The following SYNE3 variants were observed in gnomAD, a reference collection of about 807,000 sequenced individuals.
The protein encoded by SYNE3 is spectrin repeat containing nuclear envelope family member 3, also known as nesprin-3.
Under a neutral mutation model 111.2 loss-of-function variants are expected in SYNE3, and 100 were observed. The observed-to-expected ratio is 0.90, with a 90% CI of 0.77 to 1.06. The LOEUF is 1.06. Ranked by LOEUF, SYNE3 falls within the 50% of genes least tolerant of loss-of-function variation. SYNE3 has a pLI of 0.00. For missense variants in SYNE3, 1,160 were observed against 1,240.3 expected, an observed-to-expected ratio of 0.94 and a Z score of 0.97; for synonymous variants, 547 against 533.9, an observed-to-expected ratio of 1.02 and a Z score of -0.34.
intron 14 of SYNE3, 48 bp downstream of exon 14, chr14:95,438,985 G>T: frequency 6.2e-7 from 1 of 1,608,892 alleles, no homozygotes; most frequent in South Asian, 1.1e-5. Context: ...CCCACCTCTT[G>T]ACCTGGGGCC....
At chr14:95,418,916 C>T (rs1884915601) in intron 17 of SYNE3, among the ~76,000 whole-genome samples, 1 of 151,840 alleles carries the variant, frequency 6.6e-6, no homozygotes, top group African/African-American at 2.4e-5. Context: ...TCTTCTTTTC[C>T]TCCCTCTTTC....
At chr14:95,425,148 G>A (rs531440364) in intron 17 of SYNE3, among the ~76,000 whole-genome samples, 26 of 152,100 alleles carry the variant, frequency 1.7e-4, no homozygotes, top group Middle Eastern at 3.4e-3. Flanking sequence ...CAGGGGGCTG[G>A]GGCAGGAGAA....
chr14:95,462,093 G>A (rs1412410195), intron 4 of SYNE3, among the ~76,000 whole-genome samples: 1 of 152,180 alleles, frequency 6.6e-6, no homozygotes, highest in African/African-American at 2.4e-5. Context: ...GGCACCCTCT[G>A]GATCCACGAA....
intron 1 of SYNE3, among the ~76,000 whole-genome samples, chr14:95,489,694 C>G (rs4900274): frequency 0.18 from 27,325 of 152,174 alleles, 2,759 homozygotes; most frequent in East Asian, 0.41. Context: ...CCCAAGATTT[C>G]TGCCTCAGCC....
At chr14:95,442,936 G>GT (rs1304609479) in intron 11 of SYNE3, among the ~76,000 whole-genome samples, 2 of 152,238 alleles carry the variant, frequency 1.3e-5, no homozygotes. Context: ...GTCATGCTCT[G>GT]CTACCTCCAT....
intron 1 of SYNE3, among the ~76,000 whole-genome samples, chr14:95,507,071 C>A (rs1398269603): frequency 6.6e-6 from 1 of 152,242 alleles, no homozygotes; most frequent in African/African-American, 2.4e-5. Context: ...AGGAGCGCGG[C>A]ACCTGCACCC....
At chr14:95,503,079 T>C (rs1890396415) in intron 1 of SYNE3, among the ~76,000 whole-genome samples, 1 of 152,224 alleles carries the variant, frequency 6.6e-6, no homozygotes, top group Admixed American at 6.5e-5. Flanking sequence ...AATGATTAAA[T>C]TAATCCCATT....
chr14:95,488,562 T>C (rs1034771980), intron 1 of SYNE3, among the ~76,000 whole-genome samples: 13 of 151,524 alleles, frequency 8.6e-5, no homozygotes, highest in African/African-American at 2.9e-4. Flanking sequence ...GCGTGGTGGC[T>C]CACACCTGTG....
chr14:95,452,276 A>ACTAT lies in SYNE3; in HGVS notation c.1241_1244dup (p.Ser415ArgfsTer2). 6.2e-7 allele frequency: 1 copy of ACTAT among 1,613,332 alleles called. No homozygotes were observed. Among genetic ancestry groups the ACTAT allele is most frequent in the Non-Finnish European group, 8.5e-7 (1 of 1,179,558 alleles). ...GATACTCCTGGATGGTAGCGATGAC[A>ACTAT]CTATCAGAGAGTGGCTTCAGGTTGT... On this transcript the variant is annotated stop_gained and frameshift_variant, in exon 7 of 18. Coordinates refer to ENST00000682763, the MANE Select transcript of SYNE3 (RefSeq NM_152592.6). LOFTEE classifies it high-confidence loss of function.
rs1345341560 is a variant in SYNE3, at chr14:95,431,849, A to T, written c.2727+230T>A. Among the ~76,000 whole-genome samples, 5 of 152,330 alleles carry T rather than the reference A, an allele frequency of 3.3e-5. No homozygotes were observed. The East Asian group carries it at 9.7e-4, about 29-fold the overall frequency. On this transcript the variant is annotated intron_variant, in intron 17 of 17. Coordinates refer to ENST00000682763, the MANE Select transcript of SYNE3 (RefSeq NM_152592.6). The stretch of plus-strand genomic sequence containing the variant: ...CCCCTCTCTGCTATGTGCCTGTCCC[A>T]GCGGAGGACTCTGCACACCCTGCCA...
At chr14:95,445,790 G>A (rs993722962) in intron 9 of SYNE3, 119 bp downstream of exon 9, 1 of 1,099,106 alleles carries the variant, frequency 9.1e-7, no homozygotes, top group African/African-American at 1.5e-5. Context: ...GATACACCCA[G>A]GGCCACACAG....
chr14:95,422,547 G>A (rs1885184750), intron 17 of SYNE3, among the ~76,000 whole-genome samples: 1 of 152,210 alleles, frequency 6.6e-6, no homozygotes, highest in Non-Finnish European at 1.5e-5. Context: ...GTTCAACCGG[G>A]ATCTGTGGAG....
At chr14:95,420,286 T>G (rs1381953832) in intron 17 of SYNE3, among the ~76,000 whole-genome samples, 1 of 151,802 alleles carries the variant, frequency 6.6e-6, no homozygotes, top group East Asian at 1.9e-4. Context: ...CTGGGTTGGG[T>G]GGGGCCAAAT....
intron 1 of SYNE3, among the ~76,000 whole-genome samples, chr14:95,513,155 G>A (rs901602275): frequency 1.3e-5 from 2 of 152,050 alleles, no homozygotes; most frequent in African/African-American, 2.4e-5. Context: ...CTGCCCCCCC[G>A]ACTCTCCTGA....
In SYNE3 at chr14:95,439,953, C is replaced by T. The variant is rs762708842; in HGVS notation, c.2034G>A (p.Ala678=). ...CTTGGGACTCGGCATCCCCCGGGCCCGCCTCTCCCCGGTGTGCCTCCAGCT... is the reference window on the plus strand; with the variant it reads ...CTTGGGACTCGGCATCCCCCGGGCCTGCCTCTCCCCGGTGTGCCTCCAGCT... The part of the protein sequence containing the change: ...TQKLEAHRGE[A]GPGDAESQEA... The change falls in exon 12 of 18, where the codon GCG becomes GCA. Residue 678 remains alanine (A), a synonymous_variant. Coordinates refer to ENST00000682763, the MANE Select transcript of SYNE3 (RefSeq NM_152592.6). 21 of 1,613,882 alleles carry T rather than the reference C, an allele frequency of 1.3e-5. No individual in the cohort carries two copies. Among genetic ancestry groups the T allele is most frequent in the Non-Finnish European group, 1.6e-5 (19 of 1,179,990 alleles).
rs1386484561 is a variant in SYNE3 at position 95,408,906 on chromosome 14, G to C, written c.*8920C>G. ...GGGCTGGCCTGTCCGTGCTTTTCCA[G>C]TGGGAAGGTAGACAGACAGTGGGTA... On this transcript the variant is annotated 3_prime_UTR_variant, in exon 18 of 18. Coordinates refer to ENST00000682763, the MANE Select transcript of SYNE3 (RefSeq NM_152592.6). The C allele has an allele frequency of 2.9e-6, 1 of 349,084 alleles. No homozygotes were observed. The highest frequency in any genetic ancestry group is 7.6e-5 in the East Asian group (1 of 13,200). The allele number at this position is 349,084 out of a possible 1,614,324, so 21.6% of individuals were successfully genotyped here.
chr14:95,511,200 A>C (rs911680), intron 1 of SYNE3, among the ~76,000 whole-genome samples: 11,304 of 152,276 alleles, frequency 0.074, 1,289 homozygotes, highest in African/African-American at 0.25. Context: ...AATAACCATA[A>C]CTGCAGCACT....
chr14:95,486,434 C>T (rs1191824691), intron 1 of SYNE3, among the ~76,000 whole-genome samples: 2 of 152,014 alleles, frequency 1.3e-5, no homozygotes, highest in Non-Finnish European at 2.9e-5. Flanking sequence ...TCCCCGCCAG[C>T]GCCTCATGCC....
intron 17 of SYNE3, among the ~76,000 whole-genome samples, chr14:95,425,950 A>G (rs565795797): frequency 3.3e-5 from 5 of 152,252 alleles, no homozygotes; most frequent in African/African-American, 1.2e-4. Flanking sequence ...GGCCGTGGTC[A>G]TCGACCCCAG....
Sources: allele counts gnomAD v4.1 joint callset (sites outside exome capture counted in the v4.1 genomes callset), GRCh38; gene constraint gnomAD v4.1.1; transcripts MANE v1.5; gene names NCBI Gene and HGNC (gene_info 2026-07-23, HGNC 2026-07-21).